Variants in PYGO1 observed in about 807,000 individuals in gnomAD.
PYGO1 encodes the protein pygopus family PHD finger 1, also known as pygopus homolog 1.
Under a neutral mutation model 29.5 loss-of-function variants are expected in PYGO1, and 6 were observed. The ratio of observed to expected loss-of-function variants is 0.20; its 90% CI spans 0.11 to 0.40. The LOEUF is 0.40. Ranked by LOEUF, PYGO1 falls within the 10% of genes least tolerant of loss-of-function variation. PYGO1 has a pLI of 1.00. For missense variants in PYGO1, 515 were observed against 514.9 expected, an observed-to-expected ratio of 1.00 and a Z score of 0.00; for synonymous variants, 186 against 180.5, an observed-to-expected ratio of 1.03 and a Z score of -0.24.
At chr15:55,587,514 T>C (rs76453161) in intron 1 of PYGO1, among the ~76,000 whole-genome samples, 4,786 of 152,048 alleles carry the variant, frequency 0.031, 86 homozygotes, top group Middle Eastern at 0.055. Flanking sequence ...GTGTCTGTTT[T>C]TCACCCTTTG....
chr15:55,561,128 C>A lies in PYGO1; in HGVS notation c.50-12133G>T, dbSNP rs541404580. On this transcript the variant is annotated intron_variant, in intron 1 of 2. Coordinates refer to ENST00000563719, the MANE Select transcript of PYGO1 (RefSeq NM_001367806.1). ...TAACCAAAACAGCATGGTACTTATA[C>A]AAAAACAGACATACAGAACAACGAA... Among the ~76,000 whole-genome samples the A allele has an allele frequency of 2.6e-5, 4 of 152,258 alleles. No individual in the cohort carries two copies. The East Asian group carries it at 7.7e-4, about 29-fold the overall frequency.
intron 1 of PYGO1, among the ~76,000 whole-genome samples, chr15:55,557,214 C>G (rs569248516): frequency 6.6e-6 from 1 of 152,138 alleles, no homozygotes; most frequent in African/African-American, 2.4e-5. Context: ...ACTATAAACA[C>G]GTCTACGCAA....
intron 1 of PYGO1, among the ~76,000 whole-genome samples, chr15:55,559,022 G>T (rs1382738357): frequency 6.6e-6 from 1 of 152,010 alleles, no homozygotes; most frequent in Non-Finnish European, 1.5e-5. Context: ...CACAGCAAAA[G>T]AAACTCCCAT....
At chr15:55,588,719 A>G (rs1260503928), upstream of PYGO1, 1 of 1,444,808 alleles carries the variant, frequency 6.9e-7, no homozygotes, top group Admixed American at 1.7e-5. Context: ...AGCTTTCGCA[A>G]GGAAAGGGCA....
Position 55,546,307 on chromosome 15 carries a change from A to G in PYGO1, c.976T>C (p.Ser326Pro). The part of the protein sequence containing the change: ...ACTTEKSNKS[S>P]LHPNRHGHSS... ...TGGCCATGACGGTTTGGGTGAAGAG[A>G]GGATTTATTGCTTTTTTCTGTGGTG... Residue 326 changes from serine to proline, a missense_variant, in exon 3 of 3, where the codon TCT (serine) becomes CCT (proline). Physicochemically the swap from Ser to Pro is moderately conservative, Grantham distance 74. Coordinates refer to ENST00000563719, the MANE Select transcript of PYGO1 (RefSeq NM_001367806.1). 1.2e-6 allele frequency: 2 copies of G among 1,614,110 alleles called. No homozygotes were observed. The highest frequency in any genetic ancestry group is 1.7e-6 in the Non-Finnish European group (2 of 1,180,012).
intron 1 of PYGO1, among the ~76,000 whole-genome samples, chr15:55,563,489 C>T (rs562149107): frequency 1.6e-4 from 24 of 151,330 alleles, no homozygotes; most frequent in East Asian, 3.9e-4. Flanking sequence ...GCCTTAGCCT[C>T]GTGAATAGTG....
chr15:55,560,990 A>G (rs556866021), intron 1 of PYGO1, among the ~76,000 whole-genome samples: 1 of 152,114 alleles, frequency 6.6e-6, no homozygotes, highest in Non-Finnish European at 1.5e-5. Flanking sequence ...CCACTACTTT[A>G]AAGTTCATAT....
At chr15:55,585,867 A>G (rs932956306) in intron 1 of PYGO1, among the ~76,000 whole-genome samples, 1 of 152,240 alleles carries the variant, frequency 6.6e-6, no homozygotes, top group Non-Finnish European at 1.5e-5. Flanking sequence ...CAGGGGAATA[A>G]TTGTATCTCA....
intron 1 of PYGO1, among the ~76,000 whole-genome samples, chr15:55,587,041 AC>A (rs1362029904): frequency 6.6e-6 from 1 of 152,208 alleles, no homozygotes; most frequent in African/African-American, 2.4e-5. Flanking sequence ...TGCTTAATGA[AC>A]AGTGAGTACT....
chr15:55,552,134 C>G (rs1442466117), intron 1 of PYGO1, among the ~76,000 whole-genome samples: 1 of 151,830 alleles, frequency 6.6e-6, no homozygotes, highest in Non-Finnish European at 1.5e-5. Context: ...GCAGGCAGAT[C>G]ACTTGAGGTC....
At chr15:55,558,625 G>A (rs1019225454) in intron 1 of PYGO1, among the ~76,000 whole-genome samples, 6 of 152,010 alleles carry the variant, frequency 3.9e-5, no homozygotes, top group Non-Finnish European at 7.4e-5. Flanking sequence ...AAGCAAAACA[G>A]CATGGTACTG....
At chr15:55,563,015 C>T (rs908182284) in intron 1 of PYGO1, among the ~76,000 whole-genome samples, 2 of 151,880 alleles carry the variant, frequency 1.3e-5, no homozygotes, top group Non-Finnish European at 2.9e-5. Context: ...GGGAGAGCAT[C>T]GTGACCTTGA....
At chr15:55,572,032 T>C (rs2058982438) in intron 1 of PYGO1, among the ~76,000 whole-genome samples, 1 of 152,196 alleles carries the variant, frequency 6.6e-6, no homozygotes, top group Middle Eastern at 3.4e-3. Flanking sequence ...ATAATCTCCA[T>C]CAAAATTCCA....
rs573343521 is a variant in PYGO1 at position 55,544,300 on chromosome 15, T to C, written c.*1723A>G. ...CAGAATATTAAAGGTCTAACTTTTATAAAATTCATCATTTGTTAGGCTGTA... is the reference window on the plus strand; with the variant it reads ...CAGAATATTAAAGGTCTAACTTTTACAAAATTCATCATTTGTTAGGCTGTA... On this transcript the variant is annotated 3_prime_UTR_variant, in exon 3 of 3. Transcript: ENST00000563719. 5 of 152,258 alleles carry C rather than the reference T, an allele frequency of 3.3e-5. No homozygotes were observed. Among genetic ancestry groups the C allele is most frequent in the Non-Finnish European group, 4.4e-5 (3 of 68,036 alleles). 9.4% of individuals were successfully genotyped at this position (152,258 alleles called of 1,614,324 possible).
chr15:55,558,885 A>C (rs2058919822), intron 1 of PYGO1, among the ~76,000 whole-genome samples: 1 of 151,900 alleles, frequency 6.6e-6, no homozygotes, highest in Admixed American at 6.6e-5. Flanking sequence ...AAATCCCTAG[A>C]AGAAAACCTA....
intron 1 of PYGO1, among the ~76,000 whole-genome samples, chr15:55,581,434 T>A (rs909622408): frequency 1.3e-5 from 2 of 152,042 alleles, no homozygotes; most frequent in African/African-American, 4.8e-5. Context: ...AGAGCCAACA[T>A]AAGAAAGTTT....
chr15:55,548,914 G>T lies in PYGO1; in HGVS notation c.131C>A (p.Thr44Lys). 6.2e-7 allele frequency: 1 copy of T among 1,611,208 alleles called. No individual in the cohort carries two copies. Among genetic ancestry groups the T allele is most frequent in the South Asian group, 1.1e-5 (1 of 90,620 alleles). Reference protein sequence around the residue: ...SPDKKKRKANTQGPSFPPLSE... With the variant: ...SPDKKKRKANKQGPSFPPLSE... ...TTAAAGAAAATGTCAGTTTACCTGT[G>T]TATTTGCCTTGCGCTTTTTCTTATC... Residue 44 changes from threonine (T) to lysine (K), a missense_variant, in exon 2 of 3, where the codon ACA (threonine) becomes AAA (lysine). Physicochemically the swap from Thr to Lys is moderately conservative, Grantham distance 78. Transcript: ENST00000563719.
At chr15:55,586,573 T>C (rs1216552277) in intron 1 of PYGO1, among the ~76,000 whole-genome samples, 1 of 152,220 alleles carries the variant, frequency 6.6e-6, no homozygotes, top group Non-Finnish European at 1.5e-5. Context: ...ATCCTACTCC[T>C]TAGCCCCTGT....
chr15:55,545,886 T>C lies in PYGO1; in HGVS notation c.*137A>G. On this transcript the variant is annotated 3_prime_UTR_variant, in exon 3 of 3. Transcript: ENST00000563719. ...GACAATAAAAAATTTGCTCTAGTGATGAAGTGATTAATAAAAACTAAGTAA... is the reference window on the plus strand; with the variant it reads ...GACAATAAAAAATTTGCTCTAGTGACGAAGTGATTAATAAAAACTAAGTAA... The C allele has an allele frequency of 1.0e-6, 1 of 1,001,870 alleles. No individual in the cohort carries two copies. Among genetic ancestry groups the C allele is most frequent in the South Asian group, 1.9e-5 (1 of 52,112 alleles). The allele number at this position is 1,001,870 out of a possible 1,614,324, so 62.1% of individuals were successfully genotyped here.
Sources: gnomAD v4.1 joint callset for allele counts (sites outside exome capture counted in the v4.1 genomes callset) on GRCh38, gnomAD v4.1.1 for gene constraint, MANE v1.5 for transcripts, NCBI Gene and HGNC (gene_info 2026-07-23, HGNC 2026-07-21) for gene names.